The following SOX5 variants were observed in gnomAD, a reference collection of about 807,000 sequenced individuals.
The protein encoded by SOX5 is SRY-box transcription factor 5, also known as transcription factor SOX-5.
SOX5 carries 9 observed loss-of-function variants against 92.0 expected under a neutral mutation model. That is an observed-to-expected ratio of 0.10 (90% confidence interval 0.06 to 0.17). The LOEUF (loss-of-function observed/expected upper bound fraction) is 0.17, where lower values mean the gene tolerates loss of function less well. Among genes scored for constraint, SOX5 ranks in the 10% least tolerant of loss-of-function variants. The pLI, the probability that SOX5 is intolerant of heterozygous loss-of-function variation, is 1.00. For synonymous variants in SOX5, 344 were observed against 336.3 expected (o/e 1.02, Z -0.25); for missense variants, 642 against 944.5 (o/e 0.68, Z 4.20).
intron 1 of SOX5, among the ~76,000 whole-genome samples, chr12:24,555,446 C>A (rs952139115): frequency 2.0e-5 from 3 of 152,132 alleles, no homozygotes; most frequent in African/African-American, 7.2e-5. Context: ...TAAACAATGC[C>A]TTCCAATTAT....
intron 3 of SOX5, among the ~76,000 whole-genome samples, chr12:23,759,030 G>GACACACACAC (rs61575999): frequency 0.023 from 3,431 of 146,262 alleles, 66 homozygotes; most frequent in Non-Finnish European, 0.033. Flanking sequence ...CACACACACA[G>GACACACACAC]ACACACACAC....
intron 4 of SOX5, among the ~76,000 whole-genome samples, chr12:24,172,268 G>A (rs902100198): frequency 2.0e-5 from 3 of 152,110 alleles, no homozygotes; most frequent in Non-Finnish European, 4.4e-5. Context: ...CGGGCGCAGT[G>A]AGTCACGCCT....
chr12:24,225,150 G>A (rs537027545), intron 3 of SOX5, among the ~76,000 whole-genome samples: 13 of 152,280 alleles, frequency 8.5e-5, no homozygotes, highest in African/African-American at 2.4e-4. Context: ...ATTGTGACAC[G>A]AACATACCCT....
At chr12:23,936,443 C>T (rs1474884030) in intron 1 of SOX5, among the ~76,000 whole-genome samples, 1 of 150,916 alleles carries the variant, frequency 6.6e-6, no homozygotes, top group African/African-American at 2.4e-5. Flanking sequence ...ATGAGGTAAA[C>T]ATTCACATCT....
chr12:23,618,374 G>A (rs1405970805), intron 8 of SOX5, among the ~76,000 whole-genome samples: 3 of 152,100 alleles, frequency 2.0e-5, no homozygotes, highest in Admixed American at 1.3e-4. Context: ...TCATATTTGT[G>A]AAATCACTGT....
chr12:24,431,310 G>A (rs771158627), intron 1 of SOX5, among the ~76,000 whole-genome samples: 1 of 152,032 alleles, frequency 6.6e-6, no homozygotes, highest in East Asian at 1.9e-4. Context: ...ATAATTGAGA[G>A]GCAATTCTAT....
At chr12:24,215,890 G>T (rs1449742870) in intron 3 of SOX5, among the ~76,000 whole-genome samples, 1 of 152,060 alleles carries the variant, frequency 6.6e-6, no homozygotes. Flanking sequence ...TAGTGGTACT[G>T]GTATAAGGAT....
chr12:24,390,092 C>T (rs1465188411), intron 1 of SOX5, among the ~76,000 whole-genome samples: 1 of 152,100 alleles, frequency 6.6e-6, no homozygotes, highest in African/African-American at 2.4e-5. Flanking sequence ...TTGAAATCCT[C>T]CCCAAGTTTC....
chr12:24,559,536 A>C (rs1430094085), intron 1 of SOX5, among the ~76,000 whole-genome samples: 1 of 152,200 alleles, frequency 6.6e-6, no homozygotes, highest in Non-Finnish European at 1.5e-5. Context: ...AGAGCTTTTC[A>C]AGAAGGTAGT....
chr12:24,325,782 C>A (rs1400461944), intron 2 of SOX5, among the ~76,000 whole-genome samples: 2 of 152,174 alleles, frequency 1.3e-5, no homozygotes, highest in East Asian at 3.9e-4. Context: ...AGATGGATAA[C>A]CATTTCCCAA....
intron 2 of SOX5, among the ~76,000 whole-genome samples, chr12:24,329,718 T>C (rs1951082923): frequency 6.6e-6 from 1 of 151,334 alleles, no homozygotes; most frequent in Non-Finnish European, 1.5e-5. Flanking sequence ...TAAGGGAAAA[T>C]GGTATTTAAA....
intron 4 of SOX5, among the ~76,000 whole-genome samples, chr12:24,044,549 A>G (rs1156854258): frequency 5.3e-5 from 8 of 152,210 alleles, no homozygotes; most frequent in African/African-American, 1.7e-4. Flanking sequence ...ATGCAACCTT[A>G]AAGAATGTTT....
intron 6 of SOX5, among the ~76,000 whole-genome samples, chr12:23,689,743 G>A (rs1300601998): frequency 1.3e-5 from 2 of 152,064 alleles, no homozygotes; most frequent in Non-Finnish European, 2.9e-5. Context: ...CATTGTTAAG[G>A]AAAGATACAA....
At chr12:23,929,820 A>G (rs1489502279) in intron 1 of SOX5, among the ~76,000 whole-genome samples, 1 of 151,962 alleles carries the variant, frequency 6.6e-6, no homozygotes, top group African/African-American at 2.4e-5. Flanking sequence ...AGAAAATGTT[A>G]TATTTAGAAA....
At chr12:23,905,151 G>T (rs2097278558) in intron 1 of SOX5, among the ~76,000 whole-genome samples, 2 of 152,164 alleles carry the variant, frequency 1.3e-5, no homozygotes, top group Admixed American at 1.3e-4. Context: ...CCTAAAGTGA[G>T]CAGGAAAACT....
chr12:24,032,582 T>A (rs1955619758), intron 4 of SOX5, among the ~76,000 whole-genome samples: 1 of 151,850 alleles, frequency 6.6e-6, no homozygotes, highest in South Asian at 2.1e-4. Flanking sequence ...GTGCTAGCAT[T>A]TCCTGCTGTT....
intron 2 of SOX5, among the ~76,000 whole-genome samples, chr12:23,888,454 AG>A (rs2097094881): frequency 6.6e-6 from 1 of 152,112 alleles, no homozygotes; most frequent in Admixed American, 6.6e-5. Flanking sequence ...TAATTTCTCA[AG>A]GTCCAGTTAA....
chr12:23,760,722 A>G (rs921674892), intron 3 of SOX5, among the ~76,000 whole-genome samples: 1 of 152,104 alleles, frequency 6.6e-6, no homozygotes, highest in Non-Finnish European at 1.5e-5. Flanking sequence ...AACACTCTTA[A>G]GACCGACTCC....
intron 1 of SOX5, among the ~76,000 whole-genome samples, chr12:23,922,084 C>T (rs2138860274): frequency 6.6e-6 from 1 of 152,266 alleles, no homozygotes; most frequent in East Asian, 1.9e-4. Flanking sequence ...TGGGCTCCCA[C>T]TTTTTTCAGG....
Sources: allele counts gnomAD v4.1 joint callset (sites outside exome capture counted in the v4.1 genomes callset), GRCh38; gene constraint gnomAD v4.1.1; transcripts MANE v1.5; gene names NCBI Gene and HGNC (gene_info 2026-07-23, HGNC 2026-07-21).